SMARCA2: variants seen among roughly 807,000 people sequenced by gnomAD.
SMARCA2 encodes SWI/SNF-related matrix-associated actin-dependent regulator of chromatin subfamily A member 2.
A neutral mutation model predicts 199.8 loss-of-function variants in SMARCA2; 61 were observed. That is an observed-to-expected ratio of 0.31 (90% CI 0.25 to 0.38). SMARCA2 has a LOEUF of 0.38. Ranked by LOEUF, SMARCA2 falls within the 10% of genes least tolerant of loss-of-function variation. SMARCA2 has a pLI of 1.00. For synonymous variants in SMARCA2, 935 were observed against 732.0 expected (o/e 1.28, Z -4.48); for missense variants, 1,344 against 2,012.2 (o/e 0.67, Z 6.35).
chr9:2,155,910 C>T (rs766883681), intron 27 of SMARCA2, among the ~76,000 whole-genome samples: 5 of 151,792 alleles, frequency 3.3e-5, no homozygotes, highest in Non-Finnish European at 7.4e-5. Context: ...GTTGGCATCC[C>T]AGTTGCCTGA....
intron 32 of SMARCA2, among the ~76,000 whole-genome samples, chr9:2,186,864 T>A (rs1827495036): frequency 6.6e-6 from 1 of 152,016 alleles, no homozygotes; most frequent in African/African-American, 2.4e-5. Context: ...AATATTAGCC[T>A]ACTACACATT....
rs1001098445 is a variant in SMARCA2, at chr9:2,060,758, A to AGT, written c.1522-56_1522-55dup. Reference sequence around the variant, plus strand: ...CTGTCAAGGGGAGGACAGAGTGGAGAGTGGAGTTGTCTGCACGCTTATATT... The same window carrying AGT: ...CTGTCAAGGGGAGGACAGAGTGGAGAGTGTGGAGTTGTCTGCACGCTTATATT... On this transcript the variant is annotated intron_variant, in intron 8 of 33. Transcript: ENST00000349721. 3.3e-5 allele frequency: 49 copies of AGT among 1,505,102 alleles called. No individual in the cohort carries two copies. The African/African-American group carries it at 5.9e-4, about 18-fold the overall frequency. The allele number at this position is 1,505,102 out of a possible 1,614,324, so 93.2% of individuals were successfully genotyped here. A position where few individuals can be genotyped will look rare whatever the true frequency, so the allele number is the denominator to read the frequency against.
chr9:2,181,036 A>G (rs533014484), intron 29 of SMARCA2, among the ~76,000 whole-genome samples: 30 of 150,918 alleles, frequency 2.0e-4, no homozygotes, highest in South Asian at 1.7e-3. Context: ...AAGGAATAAG[A>G]CCAAGAAAAT....
chr9:2,191,306 T>C lies in SMARCA2; in HGVS notation c.4635T>C (p.Asp1545=). ...VKVKIKLNKK[D]DKGRDKGKGK... is the part of the protein sequence containing the mutation. ...TGAAAATTAAGCTCAATAAAAAAGA[T>C]GACAAAGGCCGGGACAAAGGGAAAG... The change falls in exon 33 of 34, where the codon GAT becomes GAC. Residue 1545 remains aspartate (D), a synonymous_variant. Coordinates refer to ENST00000349721, the MANE Select transcript of SMARCA2 (RefSeq NM_003070.5). The C allele has an allele frequency of 4.3e-6, 7 of 1,614,086 alleles. No homozygotes were observed. Among genetic ancestry groups the C allele is most frequent in the Non-Finnish European group, 5.9e-6 (7 of 1,180,020 alleles).
chr9:2,071,171 T>C (rs1821070706), intron 10 of SMARCA2, among the ~76,000 whole-genome samples: 1 of 152,138 alleles, frequency 6.6e-6, no homozygotes, highest in Non-Finnish European at 1.5e-5. Flanking sequence ...AGGATCAGAG[T>C]GGGTGGGAGG....
At chr9:2,138,997 T>C (rs1425967071) in intron 27 of SMARCA2, among the ~76,000 whole-genome samples, 2 of 152,216 alleles carry the variant, frequency 1.3e-5, no homozygotes, top group Non-Finnish European at 2.9e-5. Context: ...GCTTAGTAAC[T>C]GGTCAAATGT....
chr9:2,035,765 T>C (rs932571547), intron 3 of SMARCA2, among the ~76,000 whole-genome samples: 22 of 152,234 alleles, frequency 1.4e-4, no homozygotes, highest in Non-Finnish European at 2.4e-4. Flanking sequence ...TTAAAGGGAA[T>C]CAGAATTAAC....
intron 3 of SMARCA2, among the ~76,000 whole-genome samples, chr9:2,037,617 C>T (rs754300011): frequency 7.9e-5 from 12 of 152,248 alleles, no homozygotes; most frequent in Middle Eastern, 3.4e-3. Flanking sequence ...ATATATTCTC[C>T]GGCCTCTGTG....
intron 29 of SMARCA2, chr9:2,181,332 T>A (rs1827008411): frequency 2.7e-6 from 1 of 375,990 alleles, no homozygotes; most frequent in Non-Finnish European, 4.8e-6. Context: ...CACAGTGTAT[T>A]TCCCATATTG....
chr9:2,147,241 CAAA>C lies in SMARCA2; in HGVS notation c.3982-14428_3982-14426del, dbSNP rs5895958. Among the ~76,000 whole-genome samples, 494 of 106,484 alleles carry C rather than the reference CAAA, an allele frequency of 4.6e-3. 2 individuals carry two copies. Among genetic ancestry groups the C allele is most frequent in the African/African-American group, 0.015 (447 of 29,744 alleles). The allele number at this position is 106,484 out of a possible 152,430, so 69.9% of individuals were successfully genotyped here. On this transcript the variant is annotated intron_variant, in intron 27 of 33. Coordinates refer to ENST00000349721, the MANE Select transcript of SMARCA2 (RefSeq NM_003070.5). ...ACAGGGAAAAAATGTACTGAGTGAC[CAAA>C]AAAAAAAAAAAAAAAAGCAAGGTAC...
intron 1 of SMARCA2, chr9:2,022,255 T>A (rs1818637990): frequency 6.6e-6 from 1 of 152,208 alleles, no homozygotes; most frequent in African/African-American, 2.4e-5. Context: ...GAATTGAAGC[T>A]GTTAGAAGGA....
intron 27 of SMARCA2, among the ~76,000 whole-genome samples, chr9:2,141,886 T>G (rs1374651058): frequency 1.3e-5 from 2 of 152,134 alleles, no homozygotes; most frequent in Non-Finnish European, 2.9e-5. Context: ...CTTGAAAAGG[T>G]GCAGGAGCGC....
intron 15 of SMARCA2, among the ~76,000 whole-genome samples, 153 bp downstream of exon 15, chr9:2,082,148 A>T (rs929707449): frequency 6.6e-6 from 1 of 152,110 alleles, no homozygotes; most frequent in Non-Finnish European, 1.5e-5. Flanking sequence ...TTTAGGTTTT[A>T]ATTTCCCACC....
intron 30 of SMARCA2, 91 bp downstream of exon 30, chr9:2,181,767 C>CTGA (rs1827039753): frequency 1.4e-6 from 1 of 735,042 alleles, no homozygotes; most frequent in African/African-American, 1.8e-5. Context: ...CTGACCGCCA[C>CTGA]TGATGGGTAC....
chr9:2,192,789 C>G lies in SMARCA2; in HGVS notation c.*50C>G, dbSNP rs1468317859. ...AGAACTGAATTCCTTCCTCCCCTGT[C>G]TCATTTCTACCCAGTGAGTTCATTT... On this transcript the variant is annotated 3_prime_UTR_variant, in exon 34 of 34. Coordinates refer to ENST00000349721, the MANE Select transcript of SMARCA2 (RefSeq NM_003070.5). The G allele has an allele frequency of 7.4e-7, 1 of 1,344,006 alleles. No individual in the cohort carries two copies. Among genetic ancestry groups the G allele is most frequent in the Non-Finnish European group, 1.1e-6 (1 of 934,692 alleles). The allele number at this position is 1,344,006 out of a possible 1,614,324, so 83.3% of individuals were successfully genotyped here. A position where few individuals can be genotyped will look rare whatever the true frequency, so the allele number is the denominator to read the frequency against.
intron 27 of SMARCA2, among the ~76,000 whole-genome samples, chr9:2,156,349 A>AT (rs61372618): frequency 0.51 from 75,648 of 146,988 alleles, 20,397 homozygotes; most frequent in Non-Finnish European, 0.61. Flanking sequence ...AATTTAGATA[A>AT]TTTGGTTTCT....
chr9:2,109,922 G>C (rs1413331254), intron 23 of SMARCA2, among the ~76,000 whole-genome samples: 4 of 152,186 alleles, frequency 2.6e-5, no homozygotes, highest in Non-Finnish European at 5.9e-5. Context: ...GAGAGAGGAA[G>C]TGTGTGTGTT....
intron 28 of SMARCA2, among the ~76,000 whole-genome samples, chr9:2,163,360 A>C (rs1401917673): frequency 6.6e-6 from 1 of 152,216 alleles, no homozygotes; most frequent in African/African-American, 2.4e-5. Flanking sequence ...GTTTGGACCA[A>C]CGGTTCATTA....
At chr9:2,053,112 C>T (rs1294122451) in intron 5 of SMARCA2, among the ~76,000 whole-genome samples, 3 of 152,132 alleles carry the variant, frequency 2.0e-5, no homozygotes, top group Non-Finnish European at 2.9e-5. Flanking sequence ...TTTTTCATCC[C>T]TTCCTGCGCT....
Sources: gnomAD v4.1 joint callset for allele counts (sites outside exome capture counted in the v4.1 genomes callset) on GRCh38, gnomAD v4.1.1 for gene constraint, MANE v1.5 for transcripts, NCBI Gene and HGNC (gene_info 2026-07-23, HGNC 2026-07-21) for gene names.